PHACTR4: variants seen among roughly 807,000 people sequenced by gnomAD.
PHACTR4 encodes the protein protein phosphatase 1, regulatory subunit 124.
A neutral mutation model predicts 72.7 loss-of-function variants in PHACTR4; 51 were observed. That is an observed-to-expected ratio of 0.70 (90% CI 0.56 to 0.89). The LOEUF is 0.89. PHACTR4 is among the 40% of genes least tolerant of loss of function. The pLI, the probability that PHACTR4 is intolerant of heterozygous loss-of-function variation, is 0.00. For synonymous variants in PHACTR4, 255 were observed against 302.5 expected (o/e 0.84, Z 1.63); for missense variants, 731 against 861.8 (o/e 0.85, Z 1.90).
intron 2 of PHACTR4, among the ~76,000 whole-genome samples, chr1:28,423,180 G>T (rs1655618121): frequency 6.6e-6 from 1 of 152,198 alleles, no homozygotes; most frequent in African/African-American, 2.4e-5. Flanking sequence ...TGGGAGGCGG[G>T]AGGATCCCTT....
At chr1:28,407,088 A>C (rs1654388285) in intron 1 of PHACTR4, among the ~76,000 whole-genome samples, 1 of 152,134 alleles carries the variant, frequency 6.6e-6, no homozygotes. Flanking sequence ...TAAATGTTTT[A>C]TGATAATCTA....
chr1:28,419,569 A>C (rs1452351102), intron 2 of PHACTR4, among the ~76,000 whole-genome samples: 1 of 151,956 alleles, frequency 6.6e-6, no homozygotes, highest in Non-Finnish European at 1.5e-5. Context: ...CAGCCTGCCG[A>C]GTAGCTGGGA....
intron 2 of PHACTR4, among the ~76,000 whole-genome samples, chr1:28,415,758 G>A (rs1188329844): frequency 5.9e-5 from 9 of 152,106 alleles, no homozygotes; most frequent in Non-Finnish European, 1.2e-4. Flanking sequence ...AGTTGCAAAG[G>A]CTTTATTCAT....
intron 2 of PHACTR4, 54 bp downstream of exon 2, chr1:28,407,517 C>T (rs1184182173): frequency 1.3e-6 from 2 of 1,496,258 alleles, no homozygotes; most frequent in Non-Finnish European, 9.2e-7. Flanking sequence ...TTATCCTCAC[C>T]TCCATTAAAG....
chr1:28,399,047 C>T (rs185592027), intron 1 of PHACTR4, among the ~76,000 whole-genome samples: 4 of 152,010 alleles, frequency 2.6e-5, no homozygotes, highest in African/African-American at 9.7e-5. Flanking sequence ...TGCGGTGGCT[C>T]ACATCTGTAA....
chr1:28,467,747 G>A (rs1479088495), intron 6 of PHACTR4, among the ~76,000 whole-genome samples: 1 of 152,116 alleles, frequency 6.6e-6, no homozygotes, highest in Non-Finnish European at 1.5e-5. Context: ...CTATTCTTAT[G>A]TTAAAATAAG....
At chr1:28,489,436 C>G (rs1391320362) in intron 10 of PHACTR4, among the ~76,000 whole-genome samples, 1 of 152,198 alleles carries the variant, frequency 6.6e-6, no homozygotes, top group Non-Finnish European at 1.5e-5. Flanking sequence ...TGCTGTGATA[C>G]TCTAGAAAGC....
At chr1:28,445,475 A>G (rs1163584403) in intron 2 of PHACTR4, among the ~76,000 whole-genome samples, 2 of 128,350 alleles carry the variant, frequency 1.6e-5, no homozygotes, top group African/African-American at 6.7e-5. Context: ...CTGTCTTTCC[A>G]TTTTACCTCT....
At chr1:28,381,456 G>A (rs187259314) in intron 1 of PHACTR4, among the ~76,000 whole-genome samples, 72 of 151,510 alleles carry the variant, frequency 4.8e-4, no homozygotes, top group African/African-American at 1.6e-3. Flanking sequence ...ATGCCACCAC[G>A]CCTGGCTAAT....
In PHACTR4 at chr1:28,497,140, G is replaced by C. The variant is rs1417481301; in HGVS notation, c.*591G>C. 1 of 152,286 alleles carries C rather than the reference G, an allele frequency of 6.6e-6. No homozygotes were observed. Among genetic ancestry groups the C allele is most frequent in the African/African-American group, 2.4e-5 (1 of 41,440 alleles). 9.4% of individuals were successfully genotyped at this position (152,286 alleles called of 1,614,324 possible). ...CCTCTTGAGGCACTCAAGCCTGAGAGGAAGCTCAGGATCTGACATGTTCTT... is the reference window on the plus strand; with the variant it reads ...CCTCTTGAGGCACTCAAGCCTGAGACGAAGCTCAGGATCTGACATGTTCTT... On this transcript the variant is annotated 3_prime_UTR_variant, in exon 14 of 14. Coordinates refer to ENST00000373839, the MANE Select transcript of PHACTR4 (RefSeq NM_001048183.3).
intron 8 of PHACTR4, among the ~76,000 whole-genome samples, chr1:28,479,706 G>A (rs1034299286): frequency 6.6e-6 from 1 of 151,414 alleles, no homozygotes; most frequent in Non-Finnish European, 1.5e-5. Context: ...CCAACATAAC[G>A]AAACCCGAAA....
chr1:28,414,819 A>C (rs940409043), intron 2 of PHACTR4, among the ~76,000 whole-genome samples: 5 of 152,186 alleles, frequency 3.3e-5, no homozygotes, highest in African/African-American at 1.2e-4. Flanking sequence ...AAGATCATGG[A>C]GTAGGGAAAG....
At position 28,498,287 on chromosome 1, in the gene PHACTR4, C is replaced by T. The variant is rs1055755324; in HGVS notation, c.*1738C>T. On this transcript the variant is annotated 3_prime_UTR_variant, in exon 14 of 14. Coordinates refer to ENST00000373839, the MANE Select transcript of PHACTR4 (RefSeq NM_001048183.3). The stretch of plus-strand genomic sequence containing the variant: ...AGGGCACAATCATGGCCCACTGCTC[C>T]CCTCTTCTTCTCAGTGCTCTTTGCC... The T allele has an allele frequency of 2.0e-5, 3 of 152,320 alleles. No individual in the cohort carries two copies. Among genetic ancestry groups the T allele is most frequent in the Non-Finnish European group, 4.4e-5 (3 of 68,152 alleles). 9.4% of individuals were successfully genotyped at this position (152,320 alleles called of 1,614,324 possible).
chr1:28,466,346 C>T (rs747974130), intron 5 of PHACTR4, 36 bp from the exon 6 acceptor site: 4 of 1,565,348 alleles, frequency 2.6e-6, no homozygotes, highest in East Asian at 2.3e-5. Flanking sequence ...TTGTTACTCT[C>T]TCTTCCCTTT....
At chr1:28,449,021 G>C (rs371252350) in intron 2 of PHACTR4, among the ~76,000 whole-genome samples, 1 of 151,796 alleles carries the variant, frequency 6.6e-6, no homozygotes, top group East Asian at 1.9e-4. Context: ...GTCTGCACCT[G>C]TAGTTCTATC....
rs183265219 is a variant in PHACTR4 at position 28,459,154 on chromosome 1, C to T, written c.86C>T (p.Pro29Leu). ...LDSVEAGDTT[P>L]PTKRKSKFSG... Reference sequence around the variant, plus strand: ...AGTGTGGAAGCAGGAGACACAACACCTCCTACCAAAAGGAAGAGCAAGTTC... The same window carrying T: ...AGTGTGGAAGCAGGAGACACAACACTTCCTACCAAAAGGAAGAGCAAGTTC... The change falls in exon 3 of 14, where the codon CCT (proline) becomes CTT (leucine). Residue 29 changes from proline to leucine, a missense_variant. Around this residue, in one of 2 missense-constraint regions of PHACTR4, gnomAD observed 621 missense variants for 676.6 expected, o/e 0.92. Transcript: ENST00000373839. The T allele has an allele frequency of 2.7e-4, 436 of 1,613,958 alleles. 3 individuals carry two copies. In the Admixed American group the frequency reaches 7.0e-3, roughly 26 times the overall value.
chr1:28,426,151 G>A (rs1177497442), intron 2 of PHACTR4, among the ~76,000 whole-genome samples: 1 of 151,634 alleles, frequency 6.6e-6, no homozygotes, highest in African/African-American at 2.4e-5. Flanking sequence ...AACCCGGGAG[G>A]CGGAGGTTGC....
intron 6 of PHACTR4, among the ~76,000 whole-genome samples, chr1:28,468,282 A>G (rs528259995): frequency 1.3e-5 from 2 of 152,296 alleles, no homozygotes; most frequent in East Asian, 1.9e-4. Flanking sequence ...TAGAACATGA[A>G]GACATTGTGA....
chr1:28,372,758 A>G (rs1378959441), intron 1 of PHACTR4, among the ~76,000 whole-genome samples: 1 of 151,662 alleles, frequency 6.6e-6, no homozygotes, highest in African/African-American at 2.4e-5. Context: ...AGGCTGAGGC[A>G]GGAGAATCAC....
Sources: allele counts gnomAD v4.1 joint callset (sites outside exome capture counted in the v4.1 genomes callset), GRCh38; gene constraint gnomAD v4.1.1; regional missense constraint gnomAD v4.1.1; transcripts MANE v1.5; gene names NCBI Gene and HGNC (gene_info 2026-07-23, HGNC 2026-07-21).